Variants in TBC1D5 observed in about 807,000 individuals in gnomAD.
The protein encoded by TBC1D5 is TBC1 domain family member 5.
TBC1D5 carries 75 observed loss-of-function variants against 100.3 expected under a neutral mutation model. That is an observed-to-expected ratio of 0.75 (90% CI 0.62 to 0.91). TBC1D5 has a LOEUF of 0.91. Ranked by LOEUF, TBC1D5 falls within the 40% of genes least tolerant of loss-of-function variation. TBC1D5 has a pLI of 0.00. For missense variants in TBC1D5, 910 were observed against 942.4 expected (o/e 0.97, Z 0.45); for synonymous variants, 323 against 325.6 (o/e 0.99, Z 0.09).
chr3:17,722,780 T>C (rs1043725283), intron 1 of TBC1D5, among the ~76,000 whole-genome samples: 18 of 152,220 alleles, frequency 1.2e-4, no homozygotes, highest in Admixed American at 5.2e-4. Context: ...CAGATTTTAA[T>C]CCAGATCCAT....
intron 1 of TBC1D5, among the ~76,000 whole-genome samples, chr3:17,735,968 C>A (rs923071046): frequency 6.6e-6 from 1 of 152,236 alleles, no homozygotes; most frequent in Admixed American, 6.5e-5. Flanking sequence ...TGCTCTAATG[C>A]CTGGGTTTAT....
chr3:17,514,820 T>C (rs2095962365), intron 2 of TBC1D5, among the ~76,000 whole-genome samples: 1 of 152,154 alleles, frequency 6.6e-6, no homozygotes, highest in Non-Finnish European at 1.5e-5. Context: ...AGAGGTCTCC[T>C]GAGCAGATGC....
chr3:17,273,270 G>C (rs1355003184), intron 15 of TBC1D5, among the ~76,000 whole-genome samples: 1 of 151,686 alleles, frequency 6.6e-6, no homozygotes, highest in Non-Finnish European at 1.5e-5. Flanking sequence ...CCTTCTTCTT[G>C]ACCCTACCAT....
At chr3:17,204,187 T>A (rs561070221) in intron 18 of TBC1D5, among the ~76,000 whole-genome samples, 134 of 152,118 alleles carry the variant, frequency 8.8e-4, no homozygotes, top group African/African-American at 3.0e-3. Flanking sequence ...TAGGAGAGGG[T>A]GGTGATGCCA....
At chr3:17,603,944 G>A (rs1056696996) in intron 2 of TBC1D5, among the ~76,000 whole-genome samples, 1 of 151,888 alleles carries the variant, frequency 6.6e-6, no homozygotes, top group African/African-American at 2.4e-5. Flanking sequence ...CACGCCCGGC[G>A]CTATTCCTTT....
chr3:17,603,124 A>G (rs2061094323), intron 2 of TBC1D5, among the ~76,000 whole-genome samples: 1 of 151,852 alleles, frequency 6.6e-6, no homozygotes, highest in African/African-American at 2.4e-5. Flanking sequence ...GTAAACAGGA[A>G]GAGTTCCAAA....
chr3:17,513,452 C>T (rs549955820), intron 2 of TBC1D5, among the ~76,000 whole-genome samples: 1 of 152,150 alleles, frequency 6.6e-6, no homozygotes, highest in South Asian at 2.1e-4. Context: ...TAAAATGGCA[C>T]CACATGAGCA....
At chr3:17,627,899 A>G (rs1228232505) in intron 1 of TBC1D5, among the ~76,000 whole-genome samples, 1 of 152,130 alleles carries the variant, frequency 6.6e-6, no homozygotes, top group African/African-American at 2.4e-5. Context: ...TATGCTTTAT[A>G]TATCAATTAT....
At chr3:17,547,360 G>A (rs768914447) in intron 2 of TBC1D5, among the ~76,000 whole-genome samples, 1 of 152,026 alleles carries the variant, frequency 6.6e-6, no homozygotes, top group Non-Finnish European at 1.5e-5. Context: ...CCATTTAGAA[G>A]ACAAATTAAA....
intron 2 of TBC1D5, among the ~76,000 whole-genome samples, chr3:17,584,949 C>T (rs964739810): frequency 1.1e-4 from 16 of 152,188 alleles, no homozygotes; most frequent in Admixed American, 9.2e-4. Flanking sequence ...AGCCACTGTG[C>T]CCAGCCAACA....
At chr3:17,523,926 G>A (rs1268099731) in intron 2 of TBC1D5, among the ~76,000 whole-genome samples, 1 of 152,124 alleles carries the variant, frequency 6.6e-6, no homozygotes, top group Non-Finnish European at 1.5e-5. Flanking sequence ...CTTTCACAGT[G>A]GAGGATGACT....
chr3:17,282,786 A>G (rs906262504), intron 15 of TBC1D5, among the ~76,000 whole-genome samples: 17 of 152,274 alleles, frequency 1.1e-4, no homozygotes, highest in Admixed American at 2.0e-4. Flanking sequence ...GATCCTTTTC[A>G]CACTGACTTT....
At chr3:17,519,155 G>T (rs2096032139) in intron 2 of TBC1D5, among the ~76,000 whole-genome samples, 1 of 152,228 alleles carries the variant, frequency 6.6e-6, no homozygotes, top group African/African-American at 2.4e-5. Context: ...CACATTTCAT[G>T]TAAAGTGTGT....
intron 4 of TBC1D5, among the ~76,000 whole-genome samples, chr3:17,421,065 T>A (rs1346069266): frequency 6.6e-6 from 1 of 152,168 alleles, no homozygotes. Flanking sequence ...TGCAAACAAA[T>A]CAGTTGACTT....
intron 1 of TBC1D5, among the ~76,000 whole-genome samples, chr3:17,730,508 C>T (rs1417828195): frequency 1.3e-5 from 2 of 152,266 alleles, no homozygotes; most frequent in East Asian, 3.9e-4. Context: ...AGTAAATAGC[C>T]CTAGCTGAGC....
At chr3:17,593,334 G>A (rs760705964) in intron 2 of TBC1D5, among the ~76,000 whole-genome samples, 3 of 152,140 alleles carry the variant, frequency 2.0e-5, no homozygotes, top group Non-Finnish European at 2.9e-5. Flanking sequence ...ATGGTGGCAG[G>A]GATGGAGGTT....
chr3:17,312,491 A>G (rs1432270447), intron 13 of TBC1D5, among the ~76,000 whole-genome samples: 1 of 152,180 alleles, frequency 6.6e-6, no homozygotes, highest in Non-Finnish European at 1.5e-5. Flanking sequence ...CTGTGTCTAA[A>G]GAATTCCAAT....
chr3:17,219,718 T>C (rs2074063449), intron 17 of TBC1D5, among the ~76,000 whole-genome samples: 1 of 152,056 alleles, frequency 6.6e-6, no homozygotes, highest in African/African-American at 2.4e-5. Flanking sequence ...TACTTACTAG[T>C]TTTCAAAGCT....
At chr3:17,389,839 C>T (rs2093297193) in intron 8 of TBC1D5, among the ~76,000 whole-genome samples, 1 of 152,084 alleles carries the variant, frequency 6.6e-6, no homozygotes, top group Non-Finnish European at 1.5e-5. Flanking sequence ...TTCTGTGATG[C>T]TACCAACTGT....
Sources: allele counts gnomAD v4.1 joint callset (sites outside exome capture counted in the v4.1 genomes callset), GRCh38; gene constraint gnomAD v4.1.1; transcripts MANE v1.5; gene names NCBI Gene and HGNC (gene_info 2026-07-23, HGNC 2026-07-21).